The following POMT1 variants were observed in gnomAD, a reference collection of about 807,000 sequenced individuals.
POMT1 encodes the protein protein O-mannosyltransferase 1.
Under a neutral mutation model 101.6 loss-of-function variants are expected in POMT1, and 85 were observed. That is an observed-to-expected ratio of 0.84 (90% CI 0.70 to 1.00). The LOEUF (loss-of-function observed/expected upper bound fraction) is 1.00, where lower values mean the gene tolerates loss of function less well. Ranked by LOEUF, POMT1 falls within the 50% of genes least tolerant of loss-of-function variation. The pLI, the probability that POMT1 is intolerant of heterozygous loss-of-function variation, is 0.00. For missense variants in POMT1, 857 were observed against 930.4 expected (o/e 0.92, Z 1.03); for synonymous variants, 371 against 383.0 (o/e 0.97, Z 0.37).
intron 10 of POMT1, 113 bp from the exon 11 acceptor site, chr9:131,511,928 C>A (rs10901068): frequency 2.7e-6 from 3 of 1,104,338 alleles, no homozygotes; most frequent in East Asian, 4.9e-5. Flanking sequence ...CCAGGCTGGT[C>A]TCAAACTCCT....
chr9:131,510,670 A>AT (rs1424236537), intron 9 of POMT1: 3 of 510,060 alleles, frequency 5.9e-6, no homozygotes, highest in Non-Finnish European at 1.1e-5. Context: ...CACCCAGCTA[A>AT]TTTTTTTGTT....
chr9:131,509,003 T>C lies in POMT1; in HGVS notation c.520T>C (p.Phe174Leu). Residue 174 changes from phenylalanine to leucine, a missense_variant, in exon 6 of 20, where the codon TTC (phenylalanine) becomes CTC (leucine). Phe to Leu is a conservative substitution (Grantham distance 22, BLOSUM62 0). Transcript: ENST00000402686. ...GGCCGTGTTGTCCTACCTGAAGTTCTTCAACTGCCAAAAGCACAGGTATGG... is the reference window on the plus strand; with the variant it reads ...GGCCGTGTTGTCCTACCTGAAGTTCCTCAACTGCCAAAAGCACAGGTATGG... ...LLAVLSYLKF[F>L]NCQKHSPFSL... The C allele has an allele frequency of 1.2e-6, 2 of 1,610,936 alleles. No individual in the cohort carries two copies. The highest frequency in any genetic ancestry group is 1.7e-6 in the Non-Finnish European group (2 of 1,177,102).
chr9:131,522,876 G>A lies in POMT1; in HGVS notation c.2004-56G>A. 1 of 1,515,246 alleles carries A rather than the reference G, an allele frequency of 6.6e-7. No homozygotes were observed. Among genetic ancestry groups the A allele is most frequent in the Non-Finnish European group, 8.9e-7 (1 of 1,125,196 alleles). 93.9% of individuals were successfully genotyped at this position (1,515,246 alleles called of 1,614,324 possible). ...GACAGCAGATGCCAAGAGGGTGCCG[G>A]GCAGGGAAGCCGCAGTGGTCAGCCA... On this transcript the variant is annotated intron_variant, in intron 19 of 19. Coordinates refer to ENST00000402686, the MANE Select transcript of POMT1 (RefSeq NM_001077365.2). This position sits in a 1 kb window ranked among gnomAD's most constrained non-coding sequence, Gnocchi z 5.5.
Position 131,513,577 on chromosome 9 carries a change from C to G in POMT1, c.1175+246C>G, listed in dbSNP as rs368393156. 3.9e-5 allele frequency among the ~76,000 whole-genome samples: 6 copies of G among 152,278 alleles called. No homozygotes were observed. In the East Asian group the frequency reaches 9.6e-4, roughly 24 times the overall value. On this transcript the variant is annotated intron_variant, in intron 12 of 19. Coordinates refer to ENST00000402686, the MANE Select transcript of POMT1 (RefSeq NM_001077365.2). ...ACAGAAGCACCTAGCACAGCCCATC[C>G]TAGGAGAGCTCAGGGCCCCGTGGAT...
At chr9:131,505,157 C>T (rs1253617382) in intron 2 of POMT1, among the ~76,000 whole-genome samples, 2 of 151,654 alleles carry the variant, frequency 1.3e-5, no homozygotes, top group East Asian at 3.9e-4. Flanking sequence ...AATGAATGAC[C>T]CCCCCACACA....
chr9:131,506,366 C>A, intron 3 of POMT1, 37 bp from the exon 4 acceptor site: 1 of 1,596,988 alleles, frequency 6.3e-7, no homozygotes, highest in Non-Finnish European at 8.6e-7. Flanking sequence ...GAAATATTTG[C>A]TGAATGGGAT....
rs1486441093 is a variant in POMT1, at chr9:131,507,642, G to A, written c.427+128G>A. 15 of 1,354,238 alleles carry A rather than the reference G, an allele frequency of 1.1e-5. No individual in the cohort carries two copies. The East Asian group carries it at 1.9e-4, about 17-fold the overall frequency. The allele number at this position is 1,354,238 out of a possible 1,614,324, so 83.9% of individuals were successfully genotyped here. ...TGCATCTGGTTCATCCAAATTTGAC[G>A]CTGCAAGTCACCCGCTCCCAGGCTG... On this transcript the variant is annotated intron_variant, in intron 5 of 19. Coordinates refer to ENST00000402686, the MANE Select transcript of POMT1 (RefSeq NM_001077365.2).
Position 131,522,428 on chromosome 9 carries a change from G to C in POMT1, c.2003+204G>C, listed in dbSNP as rs1950135415. On this transcript the variant is annotated intron_variant, in intron 19 of 19. Coordinates refer to ENST00000402686, the MANE Select transcript of POMT1 (RefSeq NM_001077365.2). This position sits in a 1 kb window ranked among gnomAD's most constrained non-coding sequence, Gnocchi z 5.5. ...GAACCCAGAGGGAGAAGTCGCGGCT[G>C]ACAGAGATGAAAGCGGAGTGGGTGG... 4.6e-6 allele frequency: 5 copies of C among 1,094,686 alleles called. No individual in the cohort carries two copies. The highest frequency in any genetic ancestry group is 6.4e-6 in the Non-Finnish European group (5 of 782,862). 67.8% of individuals were successfully genotyped at this position (1,094,686 alleles called of 1,614,324 possible).
chr9:131,514,785 G>A (rs183390411), intron 12 of POMT1, among the ~76,000 whole-genome samples: 223 of 152,272 alleles, frequency 1.5e-3, no homozygotes, highest in African/African-American at 5.0e-3. Context: ...GTGAAACCCC[G>A]TCTCTACTAA....
chr9:131,520,160 CA>C lies in POMT1; in HGVS notation c.1667del (p.Asn556IlefsTer20). 1.9e-6 allele frequency: 3 copies of C among 1,613,770 alleles called. No homozygotes were observed. Among genetic ancestry groups the C allele is most frequent in the Non-Finnish European group, 1.7e-6 (2 of 1,180,004 alleles). On this transcript the variant is annotated frameshift_variant, in exon 17 of 20. Transcript: ENST00000402686. LOFTEE classifies it high-confidence loss of function. ...SPLEWVTLDT[N>X]IAYWLHPRTS... Reference sequence around the variant, plus strand: ...CACTGGAGTGGGTCACCCTGGACACCAATATTGCCTACTGGCTGCACCCCAG... The same window carrying C: ...CACTGGAGTGGGTCACCCTGGACACCATATTGCCTACTGGCTGCACCCCAG...
chr9:131,507,235 TG>T (rs1288872391), intron 4 of POMT1, 132 bp from the exon 5 acceptor site: 18 of 1,371,812 alleles, frequency 1.3e-5, no homozygotes, highest in Non-Finnish European at 1.8e-5. Flanking sequence ...CTGCTGCTGA[TG>T]GGGTCCCCAG....
chr9:131,518,885 G>A lies in POMT1; in HGVS notation c.1414G>A (p.Val472Ile), dbSNP rs943420374. 5 of 1,613,854 alleles carry A rather than the reference G, an allele frequency of 3.1e-6. No individual in the cohort carries two copies. Among genetic ancestry groups the A allele is most frequent in the African/African-American group, 2.7e-5 (2 of 74,934 alleles). Residue 472 changes from valine (V) to isoleucine (I), a missense_variant, in exon 15 of 20, where the codon GTC becomes ATC. Coordinates refer to ENST00000402686, the MANE Select transcript of POMT1 (RefSeq NM_001077365.2). ...CTGGGGGTATCGGCAACTGGAGATC[G>A]TCGGGGAGAAGCTGTCCCGGGGCTA... ...PDWGYRQLEI[V>I]GEKLSRGYHG...
chr9:131,510,225 C>A (rs551265521), intron 8 of POMT1, 35 bp from the exon 9 acceptor site: 1 of 1,614,074 alleles, frequency 6.2e-7, no homozygotes, highest in Admixed American at 1.7e-5. Flanking sequence ...CTTTTCCACG[C>A]AGTGGAACAT....
intron 18 of POMT1, 31 bp downstream of exon 18, chr9:131,521,503 T>A: frequency 6.2e-7 from 1 of 1,608,954 alleles, no homozygotes; most frequent in Non-Finnish European, 8.5e-7. Flanking sequence ...GCTTTCTTTC[T>A]TTTTAATATA....
rs77176471 is a variant in POMT1 at position 131,513,175 on chromosome 9, C to T, written c.1083-64C>T. ...ATGAGAATTCAGAGCTGTGCCCCTC[C>T]GGTGCAGCTGTTAGTTCGAGGGGAC... On this transcript the variant is annotated intron_variant, in intron 11 of 19. Coordinates refer to ENST00000402686, the MANE Select transcript of POMT1 (RefSeq NM_001077365.2). 0.12 allele frequency: 161,463 copies of T among 1,370,314 alleles called. 10,489 individuals carry two copies. The highest frequency in any genetic ancestry group is 0.13 in the Non-Finnish European group (126,035 of 963,550). The allele number at this position is 1,370,314 out of a possible 1,614,324, so 84.9% of individuals were successfully genotyped here. A position where few individuals can be genotyped will look rare whatever the true frequency, so the allele number is the denominator to read the frequency against.
intron 13 of POMT1, among the ~76,000 whole-genome samples, chr9:131,515,811 G>A (rs868678739): frequency 1.7e-5 from 2 of 119,548 alleles, no homozygotes; most frequent in Non-Finnish European, 3.6e-5. Context: ...CTCACACGGA[G>A]CACTTCCTCT....
In POMT1 at chr9:131,513,306, G is replaced by A. The variant is rs146234177; in HGVS notation, c.1150G>A (p.Gly384Ser). 1.9e-4 allele frequency: 311 copies of A among 1,612,392 alleles called. No individual in the cohort carries two copies. The highest frequency in any genetic ancestry group is 2.4e-4 in the Non-Finnish European group (281 of 1,179,942). ...RHGDMVQLVH[G>S]MTTRSLNTHD... ...CGGGGACATGGTGCAGCTGGTCCAC[G>A]GCATGACCACCCGCTCCCTGAACAC... The change falls in exon 12 of 20, where the codon GGC becomes AGC. Residue 384 changes from glycine (G) to serine (S), a missense_variant. By Grantham distance (56) the Gly-to-Ser change is moderately conservative. Transcript: ENST00000402686.
At chr9:131,518,688 A>G in intron 14 of POMT1, 149 bp from the exon 15 acceptor site, 2 of 1,467,904 alleles carry the variant, frequency 1.4e-6, no homozygotes, top group Non-Finnish European at 1.9e-6. Flanking sequence ...CGGCTTTTGT[A>G]ACTTCTCAGG....
Position 131,503,640 on chromosome 9 carries a change from G to A in POMT1, c.-30-549G>A, listed in dbSNP as rs778028503. Among the ~76,000 whole-genome samples, 3 of 152,196 alleles carry A rather than the reference G, an allele frequency of 2.0e-5. No individual in the cohort carries two copies. Among genetic ancestry groups the A allele is most frequent in the African/African-American group, 4.8e-5 (2 of 41,456 alleles). On this transcript the variant is annotated intron_variant, in intron 1 of 19. Transcript: ENST00000402686. The surrounding 1 kb of genome is among the most constrained non-coding windows in gnomAD (Gnocchi z 4.4). ...GAAGATGAAGCCTGGAGGAGAACGT[G>A]GGGGCGCAGGGTGCAAATGCACCCT... is the stretch of plus-strand genomic sequence containing the variant.
Sources: gnomAD v4.1 joint callset for allele counts (sites outside exome capture counted in the v4.1 genomes callset) on GRCh38, gnomAD v4.1.1 for gene constraint, Gnocchi (gnomAD v3.1) non-coding constraint, MANE v1.5 for transcripts, NCBI Gene and HGNC (gene_info 2026-07-23, HGNC 2026-07-21) for gene names.